Variants in LRP1B observed in about 807,000 individuals in gnomAD.
The protein encoded by LRP1B is LDL receptor related protein 1B.
LRP1B carries 217 observed loss-of-function variants against 556.6 expected under a neutral mutation model. That is an observed-to-expected ratio of 0.39 (90% CI 0.35 to 0.44). LRP1B has a LOEUF of 0.44. Among genes scored for constraint, LRP1B ranks in the 20% least tolerant of loss-of-function variants. The pLI is 1.00. For missense variants in LRP1B, 5,053 were observed against 5,620.8 expected, an observed-to-expected ratio of 0.90 and a Z score of 3.23; for synonymous variants, 2,047 against 1,865.8, an observed-to-expected ratio of 1.10 and a Z score of -2.50.
intron 41 of LRP1B, among the ~76,000 whole-genome samples, chr2:140,647,264 T>C (rs1684517593): frequency 6.6e-6 from 1 of 152,206 alleles, no homozygotes; most frequent in South Asian, 2.1e-4. Context: ...AACACCCACA[T>C]ATATACACAG....
At chr2:140,691,046 A>AT (rs1230477657) in intron 41 of LRP1B, among the ~76,000 whole-genome samples, 2 of 152,176 alleles carry the variant, frequency 1.3e-5, no homozygotes, top group South Asian at 2.1e-4. Flanking sequence ...CTAAAAGTTG[A>AT]TTTTTTAGCC....
intron 49 of LRP1B, among the ~76,000 whole-genome samples, chr2:140,522,555 A>T (rs1690227569): frequency 6.6e-6 from 1 of 151,906 alleles, no homozygotes; most frequent in South Asian, 2.1e-4. Flanking sequence ...AACAGAAGAA[A>T]AAAACTAAAA....
At chr2:141,131,604 T>G (rs1701358656) in intron 7 of LRP1B, among the ~76,000 whole-genome samples, 1 of 151,548 alleles carries the variant, frequency 6.6e-6, no homozygotes, top group Non-Finnish European at 1.5e-5. Context: ...ATTAAAGATC[T>G]GAACAAAAGA....
intron 31 of LRP1B, among the ~76,000 whole-genome samples, chr2:140,817,619 T>A (rs1052610795): frequency 2.0e-5 from 3 of 152,010 alleles, no homozygotes; most frequent in African/African-American, 7.2e-5. Context: ...TAAAATAATG[T>A]AATTTACCTA....
intron 1 of LRP1B, among the ~76,000 whole-genome samples, chr2:141,840,325 G>A (rs1417598883): frequency 1.4e-5 from 2 of 138,030 alleles, no homozygotes; most frequent in Admixed American, 1.6e-4. Context: ...GTGCAGTGGC[G>A]CCATCTCGGC....
intron 1 of LRP1B, among the ~76,000 whole-genome samples, chr2:141,838,694 TCA>T (rs1457956259): frequency 1.3e-5 from 2 of 152,176 alleles, no homozygotes; most frequent in Non-Finnish European, 2.9e-5. Context: ...AGGATGAATT[TCA>T]CTTATTTGCT....
At chr2:141,098,857 A>T (rs1700388984) in intron 7 of LRP1B, among the ~76,000 whole-genome samples, 1 of 152,126 alleles carries the variant, frequency 6.6e-6, no homozygotes, top group Admixed American at 6.6e-5. Flanking sequence ...GAGTTTCTCC[A>T]TGTTGGTCAG....
chr2:142,129,591 TCTCTCTCTCTCTCTCTCTCTCTC>T (rs1559087049), intron 1 of LRP1B, among the ~76,000 whole-genome samples: 1 of 8,568 alleles, frequency 1.2e-4, no homozygotes, highest in East Asian at 3.1e-3. Context: ...TCTTTCTCTC[TCTCTCTCTCTCTCTCTCTCTCTC>T]TCTCTCTCTC....
chr2:141,376,288 C>T (rs1173311446), intron 3 of LRP1B, among the ~76,000 whole-genome samples: 1 of 152,170 alleles, frequency 6.6e-6, no homozygotes, highest in African/African-American at 2.4e-5. Context: ...TAGGGTGTCT[C>T]CTATAGCGAA....
intron 75 of LRP1B, among the ~76,000 whole-genome samples, chr2:140,353,964 A>G (rs139859602): frequency 2.0e-5 from 3 of 152,158 alleles, no homozygotes; most frequent in Admixed American, 1.3e-4. Context: ...CCTCTAAATC[A>G]CTAGCATAAA....
At chr2:141,094,182 C>A (rs549825313) in intron 7 of LRP1B, among the ~76,000 whole-genome samples, 2 of 152,138 alleles carry the variant, frequency 1.3e-5, no homozygotes, top group East Asian at 1.9e-4. Context: ...ATTCTCATAC[C>A]TATGTGATGG....
chr2:141,145,004 A>C (rs1007447991), intron 7 of LRP1B, among the ~76,000 whole-genome samples: 3 of 152,188 alleles, frequency 2.0e-5, no homozygotes, highest in African/African-American at 7.2e-5. Flanking sequence ...GTGCTGAGCA[A>C]ACAGACAAAT....
intron 3 of LRP1B, among the ~76,000 whole-genome samples, chr2:141,279,100 TG>T (rs1452609051): frequency 6.6e-6 from 1 of 152,146 alleles, no homozygotes; most frequent in African/African-American, 2.4e-5. Flanking sequence ...TCTCTGATTT[TG>T]TAAATAAATA....
intron 1 of LRP1B, among the ~76,000 whole-genome samples, chr2:141,998,472 T>A: frequency 6.6e-6 from 1 of 152,302 alleles, no homozygotes; most frequent in Non-Finnish European, 1.5e-5. Flanking sequence ...CTCCGGTTGA[T>A]TAAGAATCTT....
intron 23 of LRP1B, among the ~76,000 whole-genome samples, chr2:140,892,253 G>A (rs1034776960): frequency 1.3e-5 from 2 of 152,160 alleles, no homozygotes; most frequent in African/African-American, 4.8e-5. Flanking sequence ...GACAGAAGCA[G>A]ACAAACAGGA....
rs571353149 is a variant in LRP1B at position 140,442,237 on chromosome 2, G to A, written c.10414+267C>T. On this transcript the variant is annotated intron_variant, in intron 66 of 90. Coordinates refer to ENST00000389484, the MANE Select transcript of LRP1B (RefSeq NM_018557.3). ...CCATCATGTGCATACTCTAATATAA[G>A]AAGATAATGGTCTTATTCTACCTCT... Among the ~76,000 whole-genome samples the A allele has an allele frequency of 3.9e-5, 6 of 152,178 alleles. No individual in the cohort carries two copies. The East Asian group carries it at 9.7e-4, about 25-fold the overall frequency.
At chr2:141,410,278 T>C (rs1485963257) in intron 3 of LRP1B, among the ~76,000 whole-genome samples, 1 of 152,010 alleles carries the variant, frequency 6.6e-6, no homozygotes, top group African/African-American at 2.4e-5. Context: ...AAAGGAGTGG[T>C]TAATAATGTA....
At chr2:141,115,625 T>TTGTGTGTG (rs70991139) in intron 7 of LRP1B, among the ~76,000 whole-genome samples, 1 of 91,494 alleles carries the variant, frequency 1.1e-5, no homozygotes, top group African/African-American at 3.6e-5. Flanking sequence ...CCCGGCTAAT[T>TTGTGTGTG]TGTGTGTGTG....
chr2:140,713,564 G>A (rs1218272922), intron 37 of LRP1B, among the ~76,000 whole-genome samples: 1 of 152,002 alleles, frequency 6.6e-6, no homozygotes, highest in Non-Finnish European at 1.5e-5. Context: ...GCCAAGGGAA[G>A]GCTGAGGAGA....
Sources: gnomAD v4.1 joint callset for allele counts (sites outside exome capture counted in the v4.1 genomes callset) on GRCh38, gnomAD v4.1.1 for gene constraint, MANE v1.5 for transcripts, NCBI Gene and HGNC (gene_info 2026-07-23, HGNC 2026-07-21) for gene names.